Variants in DNAJB6 observed in about 807,000 individuals in gnomAD.
DNAJB6 encodes the protein dnaJ homolog subfamily B member 6.
DNAJB6 carries 16 observed loss-of-function variants against 42.7 expected under a neutral mutation model. The observed-to-expected ratio is 0.37, with a 90% CI of 0.25 to 0.57. The LOEUF (loss-of-function observed/expected upper bound fraction) is 0.57, where lower values mean the gene tolerates loss of function less well. Ranked by LOEUF, DNAJB6 falls within the 20% of genes least tolerant of loss-of-function variation. The pLI, the probability that DNAJB6 is intolerant of heterozygous loss-of-function variation, is 0.74. For missense variants in DNAJB6, 347 were observed against 416.8 expected (o/e 0.83, Z 1.46); for synonymous variants, 170 against 163.5 (o/e 1.04, Z -0.30).
chr7:157,388,969 C>G (rs959957545), intron 8 of DNAJB6, among the ~76,000 whole-genome samples: 1 of 152,182 alleles, frequency 6.6e-6, no homozygotes, highest in East Asian at 1.9e-4. Flanking sequence ...TGAAAGATGT[C>G]AATCAATAGT....
chr7:157,394,779 C>T (rs1021137768), intron 8 of DNAJB6, among the ~76,000 whole-genome samples: 4 of 151,976 alleles, frequency 2.6e-5, no homozygotes, highest in Admixed American at 6.6e-5. Context: ...ATTTTGTCCC[C>T]GCCTCTCAGC....
intron 1 of DNAJB6, among the ~76,000 whole-genome samples, 174 bp downstream of exon 1, chr7:157,337,318 G>A (rs1041628719): frequency 6.6e-6 from 1 of 151,766 alleles, no homozygotes; most frequent in Non-Finnish European, 1.5e-5. Flanking sequence ...CGAAGGGTGG[G>A]CGGGGTCCTC....
chr7:157,374,077 A>G (rs370237195), intron 5 of DNAJB6, among the ~76,000 whole-genome samples: 3 of 152,298 alleles, frequency 2.0e-5, no homozygotes, highest in East Asian at 1.9e-4. Flanking sequence ...GTTTCCAGCT[A>G]AAGTTGTTGG....
chr7:157,394,658 G>C (rs1053914934), intron 8 of DNAJB6, among the ~76,000 whole-genome samples: 4 of 152,112 alleles, frequency 2.6e-5, no homozygotes, highest in African/African-American at 9.7e-5. Flanking sequence ...TGATTTGCTT[G>C]TCTGCAGCTT....
chr7:157,408,045 C>A (rs1795836223), intron 8 of DNAJB6, among the ~76,000 whole-genome samples: 1 of 152,154 alleles, frequency 6.6e-6, no homozygotes, highest in African/African-American at 2.4e-5. Flanking sequence ...GCAGCCCTGC[C>A]ACCTGTTTGT....
intron 2 of DNAJB6, among the ~76,000 whole-genome samples, chr7:157,359,692 G>T (rs1440971946): frequency 6.6e-6 from 1 of 152,204 alleles, no homozygotes; most frequent in Non-Finnish European, 1.5e-5. Flanking sequence ...GGTGGCACAT[G>T]CCTGTAGTCC....
At chr7:157,353,619 G>GTGTGTGTGTGTGTATGTA (rs765489885) in intron 1 of DNAJB6, among the ~76,000 whole-genome samples, 1 of 146,890 alleles carries the variant, frequency 6.8e-6, no homozygotes, top group African/African-American at 2.6e-5. Flanking sequence ...GTGTGTGTGT[G>GTGTGTGTGTGTGTATGTA]TGTATGTATT....
chr7:157,350,698 A>AAT (rs1798926059), intron 1 of DNAJB6, among the ~76,000 whole-genome samples: 1 of 147,572 alleles, frequency 6.8e-6, no homozygotes, highest in Admixed American at 6.8e-5. Context: ...TTTTTTTTTT[A>AAT]TTTTTTTTTG....
At chr7:157,358,715 C>G in intron 2 of DNAJB6, 78 bp downstream of exon 2, 1 of 1,197,726 alleles carries the variant, frequency 8.3e-7, no homozygotes, top group Non-Finnish European at 1.2e-6. Context: ...TCTTCTATTG[C>G]CTATGAAAAT....
chr7:157,388,181 G>A (rs1344231167), intron 8 of DNAJB6, among the ~76,000 whole-genome samples: 1 of 152,210 alleles, frequency 6.6e-6, no homozygotes, highest in African/African-American at 2.4e-5. Flanking sequence ...TCCATTGATA[G>A]AAGTGTAATT....
At position 157,399,806 on chromosome 7, in the gene DNAJB6, T is replaced by A. The variant is rs184369279; in HGVS notation, c.692-9989T>A. On this transcript the variant is annotated intron_variant, in intron 8 of 9. Coordinates refer to ENST00000262177, the MANE Select transcript of DNAJB6 (RefSeq NM_058246.4). ...GCCTTAGCCTCTGGAGTAGCTGGGA[T>A]TACAGGTGCGCGCCACCACCCCTGG... Among the ~76,000 whole-genome samples, 628 of 152,224 alleles carry A rather than the reference T, an allele frequency of 4.1e-3. 3 individuals carry two copies. Among genetic ancestry groups the A allele is most frequent in the Non-Finnish European group, 6.2e-3 (424 of 68,008 alleles).
chr7:157,377,549 A>G (rs1800533669), intron 5 of DNAJB6, among the ~76,000 whole-genome samples: 1 of 152,108 alleles, frequency 6.6e-6, no homozygotes, highest in Non-Finnish European at 1.5e-5. Flanking sequence ...AACCCTCACC[A>G]CTGTGGAAGC....
chr7:157,410,143 T>G (rs1041758347), intron 9 of DNAJB6, 142 bp downstream of exon 9: 1 of 1,411,082 alleles, frequency 7.1e-7, no homozygotes, highest in Non-Finnish European at 9.2e-7. Flanking sequence ...CGGGAGGAGG[T>G]AGCCTCGCTC....
At chr7:157,339,334 C>T (rs1341847468) in intron 1 of DNAJB6, among the ~76,000 whole-genome samples, 2 of 134,558 alleles carry the variant, frequency 1.5e-5, no homozygotes, top group Non-Finnish European at 3.1e-5. Flanking sequence ...TGCTCTGTCG[C>T]CCAGGCCGTA....
At chr7:157,409,771 C>G in intron 8 of DNAJB6, 24 bp from the exon 9 acceptor site, 1 of 1,506,092 alleles carries the variant, frequency 6.6e-7, no homozygotes, top group Non-Finnish European at 8.9e-7. Context: ...ACTCACGGCT[C>G]TCTCTCTCCC....
intron 1 of DNAJB6, among the ~76,000 whole-genome samples, chr7:157,341,001 C>CTCGT (rs1798347416): frequency 7.7e-6 from 1 of 130,244 alleles, no homozygotes; most frequent in East Asian, 2.0e-4. Flanking sequence ...TGTGTGTGCG[C>CTCGT]GCGCGCAGGT....
intron 1 of DNAJB6, among the ~76,000 whole-genome samples, chr7:157,354,987 G>C (rs1341087795): frequency 6.6e-6 from 1 of 152,150 alleles, no homozygotes; most frequent in Non-Finnish European, 1.5e-5. Context: ...GTGTCAAGTA[G>C]TCATCTGTCT....
chr7:157,416,349 A>G lies in DNAJB6; in HGVS notation c.*251A>G, dbSNP rs542232099. 3.5e-4 allele frequency: 177 copies of G among 507,356 alleles called. No individual in the cohort carries two copies. The highest frequency in any genetic ancestry group is 1.2e-3 in the East Asian group (36 of 30,210). The allele number at this position is 507,356 out of a possible 1,614,324, so 31.4% of individuals were successfully genotyped here. On this transcript the variant is annotated 3_prime_UTR_variant, in exon 10 of 10. Transcript: ENST00000262177. ...TTCTCTCCAGCTCTCAATCTGCTGC[A>G]TTTTCCTCTAGTGCTTCCGGATCCT...
At chr7:157,399,719 A>AG (rs1291883137) in intron 8 of DNAJB6, among the ~76,000 whole-genome samples, 2 of 152,028 alleles carry the variant, frequency 1.3e-5, no homozygotes, top group African/African-American at 4.8e-5. Context: ...CCCAAGCTGG[A>AG]GAGCAATGGC....
Sources: gnomAD v4.1 joint callset for allele counts (sites outside exome capture counted in the v4.1 genomes callset) on GRCh38, gnomAD v4.1.1 for gene constraint, MANE v1.5 for transcripts, NCBI Gene and HGNC (gene_info 2026-07-23, HGNC 2026-07-21) for gene names.